Variants in MARCHF1 observed in about 807,000 individuals in gnomAD.
The protein encoded by MARCHF1 is membrane associated ring-CH-type finger 1.
Under a neutral mutation model 54.2 loss-of-function variants are expected in MARCHF1, and 40 were observed. The ratio of observed to expected loss-of-function variants is 0.74; its 90% CI spans 0.57 to 0.96. MARCHF1 has a LOEUF of 0.96. MARCHF1 is among the 40% of genes least tolerant of loss of function. The pLI is 0.00. For synonymous variants in MARCHF1, 236 were observed against 236.3 expected (o/e 1.00, Z 0.01); for missense variants, 586 against 656.5 (o/e 0.89, Z 1.17).
intron 4 of MARCHF1, among the ~76,000 whole-genome samples, chr4:163,786,847 C>T (rs1747635802): frequency 6.6e-6 from 1 of 151,898 alleles, no homozygotes. Flanking sequence ...TACTACAAAT[C>T]ACCAGGAATC....
chr4:163,916,650 G>A (rs758645932), intron 3 of MARCHF1, among the ~76,000 whole-genome samples: 9 of 152,064 alleles, frequency 5.9e-5, no homozygotes, highest in Non-Finnish European at 8.8e-5. Flanking sequence ...AGTGCCGCAT[G>A]TATCTTCTTG....
chr4:163,538,839 T>C (rs955198159), intron 9 of MARCHF1, among the ~76,000 whole-genome samples: 4 of 152,176 alleles, frequency 2.6e-5, no homozygotes, highest in African/African-American at 7.2e-5. Flanking sequence ...TAGCCCCTGA[T>C]TGGCTCATGC....
At chr4:163,549,019 G>T (rs1739007496) in intron 8 of MARCHF1, among the ~76,000 whole-genome samples, 2 of 152,144 alleles carry the variant, frequency 1.3e-5, no homozygotes, top group African/African-American at 4.8e-5. Flanking sequence ...GTGACTTATG[G>T]CCCTGTTACC....
chr4:163,653,115 C>T (rs563256748), intron 5 of MARCHF1, among the ~76,000 whole-genome samples: 2 of 151,844 alleles, frequency 1.3e-5, no homozygotes, highest in Non-Finnish European at 2.9e-5. Context: ...GAGTGGTTAA[C>T]GGAGGCCTCT....
At chr4:164,348,447 G>T (rs1457915889) in intron 1 of MARCHF1, among the ~76,000 whole-genome samples, 1 of 152,110 alleles carries the variant, frequency 6.6e-6, no homozygotes, top group Non-Finnish European at 1.5e-5. Flanking sequence ...CTCATGGTTT[G>T]TTCCCTTGAC....
chr4:164,197,494 G>C, intron 1 of MARCHF1: 1 of 1,613,658 alleles, frequency 6.2e-7, no homozygotes. Flanking sequence ...CAGGCCCCCT[G>C]AGACTCTTAG....
Position 163,656,121 on chromosome 4 carries a change from G to GTTT in MARCHF1, c.163-42731_163-42729dup, listed in dbSNP as rs34737010. Among the ~76,000 whole-genome samples, 178 of 145,806 alleles carry GTTT rather than the reference G, an allele frequency of 1.2e-3. 1 individual carries two copies. Among genetic ancestry groups the GTTT allele is most frequent in the African/African-American group, 4.4e-3 (174 of 39,902 alleles). ...CAAAAAACCAATGAATCCAGGAGCT[G>GTTT]TTTTTTTTTTGAAAAAAATAATAAA... On this transcript the variant is annotated intron_variant, in intron 5 of 9. Coordinates refer to ENST00000514618, the MANE Select transcript of MARCHF1 (RefSeq NM_001394959.1).
intron 4 of MARCHF1, among the ~76,000 whole-genome samples, chr4:163,726,027 T>C (rs980785047): frequency 6.6e-6 from 1 of 152,156 alleles, no homozygotes; most frequent in Non-Finnish European, 1.5e-5. Context: ...GTTTTAGGTA[T>C]AGAGATTTCC....
intron 1 of MARCHF1, among the ~76,000 whole-genome samples, chr4:164,179,539 C>T (rs969577573): frequency 6.6e-6 from 1 of 151,980 alleles, no homozygotes; most frequent in Non-Finnish European, 1.5e-5. Flanking sequence ...ATACAATTTG[C>T]CTAATTAATG....
intron 9 of MARCHF1, among the ~76,000 whole-genome samples, chr4:163,535,990 T>C (rs4292287): frequency 0.52 from 79,691 of 151,904 alleles, 21,687 homozygotes; most frequent in Admixed American, 0.67. Context: ...CACAGGACAG[T>C]ACCTTCCAAC....
intron 5 of MARCHF1, among the ~76,000 whole-genome samples, chr4:163,618,272 T>C (rs61160533): frequency 6.6e-6 from 1 of 152,102 alleles, no homozygotes. Context: ...GCCTATCTGT[T>C]TCTCTGCCCC....
chr4:164,289,272 G>A (rs1289718441), intron 1 of MARCHF1, among the ~76,000 whole-genome samples: 1 of 151,936 alleles, frequency 6.6e-6, no homozygotes, highest in African/African-American at 2.4e-5. Flanking sequence ...TCAATCCTAG[G>A]AAGATTGTGA....
At chr4:164,185,982 C>A (rs1032113744) in intron 1 of MARCHF1, among the ~76,000 whole-genome samples, 1 of 152,140 alleles carries the variant, frequency 6.6e-6, no homozygotes, top group South Asian at 2.1e-4. Flanking sequence ...CAATCTCTGC[C>A]TCTGGGTTCA....
intron 1 of MARCHF1, among the ~76,000 whole-genome samples, chr4:164,259,597 G>T (rs1392634596): frequency 8.2e-6 from 1 of 121,538 alleles, no homozygotes; most frequent in Non-Finnish European, 1.8e-5. Flanking sequence ...AAAAAAAAAA[G>T]AAAAGAAGAA....
intron 1 of MARCHF1, among the ~76,000 whole-genome samples, chr4:164,271,597 T>C (rs1733747063): frequency 6.6e-6 from 1 of 152,172 alleles, no homozygotes; most frequent in Non-Finnish European, 1.5e-5. Context: ...TTAGGTCACT[T>C]AGTTTGTAGA....
chr4:164,264,221 C>A (rs1306049114), intron 1 of MARCHF1, among the ~76,000 whole-genome samples: 2 of 152,156 alleles, frequency 1.3e-5, no homozygotes, highest in Non-Finnish European at 2.9e-5. Flanking sequence ...TCATCCTTAG[C>A]AAACTAATGC....
intron 4 of MARCHF1, among the ~76,000 whole-genome samples, chr4:163,712,126 C>G (rs1045360788): frequency 1.3e-5 from 2 of 152,030 alleles, no homozygotes; most frequent in Admixed American, 1.3e-4. Flanking sequence ...CATTATAGAC[C>G]GACCATGTAA....
intron 3 of MARCHF1, among the ~76,000 whole-genome samples, chr4:163,952,387 A>G (rs1752151229): frequency 6.6e-6 from 1 of 152,180 alleles, no homozygotes; most frequent in South Asian, 2.1e-4. Context: ...CTATACTAAT[A>G]TTTTCAATGT....
intron 1 of MARCHF1, among the ~76,000 whole-genome samples, chr4:164,220,936 TA>T (rs1164812532): frequency 6.6e-6 from 1 of 151,832 alleles, no homozygotes; most frequent in East Asian, 1.9e-4. Flanking sequence ...ACAGGCACTT[TA>T]AGCAAAAATG....
Sources: gnomAD v4.1 joint callset for allele counts (sites outside exome capture counted in the v4.1 genomes callset) on GRCh38, gnomAD v4.1.1 for gene constraint, MANE v1.5 for transcripts, NCBI Gene and HGNC (gene_info 2026-07-23, HGNC 2026-07-21) for gene names.